The following QTRT2 variants were observed in gnomAD, a reference collection of about 807,000 sequenced individuals.
QTRT2 encodes queuine tRNA-ribosyltransferase accessory subunit 2.
In QTRT2, 32 loss-of-function variants were observed where a neutral mutation model predicts 44.8. That is an observed-to-expected ratio of 0.71 (90% CI 0.54 to 0.96). The LOEUF (loss-of-function observed/expected upper bound fraction) is 0.96, where lower values mean the gene tolerates loss of function less well. Ranked by LOEUF, QTRT2 falls within the 40% of genes least tolerant of loss-of-function variation. The pLI is 0.00. For synonymous variants in QTRT2, 182 were observed against 187.4 expected (o/e 0.97, Z 0.24); for missense variants, 461 against 503.1 (o/e 0.92, Z 0.80).
At chr3:114,073,758 T>TA (rs2077054024) in intron 6 of QTRT2, among the ~76,000 whole-genome samples, 1 of 104,616 alleles carries the variant, frequency 9.6e-6, no homozygotes, top group African/African-American at 4.1e-5. Flanking sequence ...TTATTAATAG[T>TA]GCCCCCCCAT....
chr3:114,083,739 G>A (rs542285635), intron 9 of QTRT2, among the ~76,000 whole-genome samples: 4 of 152,070 alleles, frequency 2.6e-5, no homozygotes, highest in African/African-American at 9.6e-5. Flanking sequence ...TATTCTGTTG[G>A]GACTCCTTTA....
At chr3:114,080,364 C>T (rs547242407) in intron 8 of QTRT2, among the ~76,000 whole-genome samples, 2 of 152,234 alleles carry the variant, frequency 1.3e-5, no homozygotes, top group Non-Finnish European at 2.9e-5. Flanking sequence ...ATAAGAAAAC[C>T]TTTGAACTGC....
chr3:114,070,924 C>G (rs1439008363), intron 6 of QTRT2, 86 bp downstream of exon 6: 2 of 1,011,610 alleles, frequency 2.0e-6, no homozygotes, highest in Non-Finnish European at 1.5e-6. Context: ...GTTCTTCCTC[C>G]TACTGCTGTG....
Position 114,085,742 on chromosome 3 carries a change from A to G in QTRT2, c.1086A>G (p.Ala362=), listed in dbSNP as rs781744301. ...ACTGCTGTAAGAATCACACTCGGGC[A>G]TACATCCACCATCTGCTGGTGACCA... The part of the protein sequence containing the change: ...SCYCCKNHTR[A]YIHHLLVTNE... The change falls in exon 10 of 10, where the codon GCA becomes GCG. Residue 362 remains alanine (A), a synonymous_variant. Transcript: ENST00000281273. 5 of 1,614,086 alleles carry G rather than the reference A, an allele frequency of 3.1e-6. No individual in the cohort carries two copies. The highest frequency in any genetic ancestry group is 1.7e-5 in the Admixed American group (1 of 59,992).
chr3:114,073,062 A>G (rs1179575912), intron 6 of QTRT2, among the ~76,000 whole-genome samples: 1 of 152,254 alleles, frequency 6.6e-6, no homozygotes, highest in Non-Finnish European at 1.5e-5. Context: ...TTGGCTAATA[A>G]AGTTAATATA....
At chr3:114,071,433 A>G (rs2077022842) in intron 6 of QTRT2, among the ~76,000 whole-genome samples, 1 of 151,986 alleles carries the variant, frequency 6.6e-6, no homozygotes, top group South Asian at 2.1e-4. Flanking sequence ...CGTATAGCTG[A>G]TATTACAGGC....
chr3:114,075,913 G>A (rs2077084705), intron 6 of QTRT2, among the ~76,000 whole-genome samples: 2 of 152,098 alleles, frequency 1.3e-5, no homozygotes, highest in African/African-American at 4.8e-5. Flanking sequence ...TCTAAAACTT[G>A]TATAACCATA....
rs530251428 is a variant in QTRT2 at position 114,085,831 on chromosome 3, A to G, written c.1175A>G (p.His392Arg). The G allele has an allele frequency of 4.3e-6, 7 of 1,614,014 alleles. No homozygotes were observed. The highest frequency in any genetic ancestry group is 5.9e-6 in the Non-Finnish European group (7 of 1,180,038). Residue 392 changes from histidine to arginine, a missense_variant, in exon 10 of 10, where the codon CAT becomes CGT. His to Arg is a conservative substitution (Grantham distance 29). Coordinates refer to ENST00000281273, the MANE Select transcript of QTRT2 (RefSeq NM_024638.4). The stretch of plus-strand genomic sequence containing the variant: ...TTTGAACACTACTTTGGGTTTTTCC[A>G]TTACATCCGGGAAGCACTAAAAAGT... ...HNFEHYFGFF[H>R]YIREALKSDK...
At chr3:114,077,472 G>T (rs1345361531) in intron 7 of QTRT2, 1 of 154,088 alleles carries the variant, frequency 6.5e-6, no homozygotes, top group African/African-American at 2.4e-5. Context: ...TCCATAAATT[G>T]CAGGATTCAC....
At chr3:114,065,563 G>A (rs757506562) in intron 3 of QTRT2, 106 bp downstream of exon 3, 51 of 833,374 alleles carry the variant, frequency 6.1e-5, no homozygotes, top group Non-Finnish European at 8.8e-5. Context: ...ATAAATTGTC[G>A]ATTTTCATAA....
intron 8 of QTRT2, among the ~76,000 whole-genome samples, chr3:114,082,332 C>T (rs1469561434): frequency 1.3e-5 from 2 of 152,110 alleles, no homozygotes; most frequent in Non-Finnish European, 1.5e-5. Context: ...ATTCTCCTGC[C>T]TTAGCTTCCC....
chr3:114,079,047 A>G (rs1164203645), intron 7 of QTRT2: 1 of 152,132 alleles, frequency 6.6e-6, no homozygotes, highest in African/African-American at 2.4e-5. Context: ...ATGAAAAATT[A>G]TAGGCAAAAT....
At chr3:114,059,153 C>T (rs187930130) in intron 2 of QTRT2, among the ~76,000 whole-genome samples, 4 of 152,272 alleles carry the variant, frequency 2.6e-5, no homozygotes, top group East Asian at 1.9e-4. Flanking sequence ...AGGACAGGTA[C>T]GGTGTTGCCA....
chr3:114,087,680 T>C lies in QTRT2; in HGVS notation c.*1776T>C, dbSNP rs2077254980. The C allele has an allele frequency of 6.6e-6, 1 of 152,354 alleles. No homozygotes were observed. Among genetic ancestry groups the C allele is most frequent in the Non-Finnish European group, 1.5e-5 (1 of 68,230 alleles). 9.4% of individuals were successfully genotyped at this position (152,354 alleles called of 1,614,324 possible). On this transcript the variant is annotated 3_prime_UTR_variant, in exon 10 of 10. Coordinates refer to ENST00000281273, the MANE Select transcript of QTRT2 (RefSeq NM_024638.4). Reference sequence around the variant, plus strand: ...AATTGGCTCATGGCTCTGCAGGCTTTACAGGAAGCATGGTACTGGCATCTG... The same window carrying C: ...AATTGGCTCATGGCTCTGCAGGCTTCACAGGAAGCATGGTACTGGCATCTG...
chr3:114,070,703 G>C lies in QTRT2; in HGVS notation c.411G>C (p.Gln137His). The change falls in exon 6 of 10, where the codon CAG becomes CAC. Residue 137 changes from glutamine to histidine, a missense_variant. Transcript: ENST00000281273. Reference sequence around the variant, plus strand: ...TCATGGCAATTCAGAAGGCCCTTCAGCCAGACTGGTTCCAGTGCCTCTCCG... The same window carrying C: ...TCATGGCAATTCAGAAGGCCCTTCACCCAGACTGGTTCCAGTGCCTCTCCG... ...SKFMAIQKAL[Q>H]PDWFQCLSDG... The C allele has an allele frequency of 6.2e-7, 1 of 1,614,172 alleles. No homozygotes were observed. Among genetic ancestry groups the C allele is most frequent in the Non-Finnish European group, 8.5e-7 (1 of 1,179,992 alleles).
At chr3:114,059,577 A>C (rs2076855255) in intron 2 of QTRT2, among the ~76,000 whole-genome samples, 1 of 152,102 alleles carries the variant, frequency 6.6e-6, no homozygotes, top group African/African-American at 2.4e-5. Context: ...GAAGAAAGGA[A>C]GACTTGGTTC....
intron 7 of QTRT2, chr3:114,078,734 GA>G (rs2077125752): frequency 6.6e-6 from 1 of 152,142 alleles, no homozygotes; most frequent in African/African-American, 2.4e-5. Flanking sequence ...TCCCTAATTT[GA>G]AAGTCCAAAA....
At position 114,061,204 on chromosome 3, in the gene QTRT2, G is replaced by A. The variant is rs138467933; in HGVS notation, c.-21-4033G>A. Among the ~76,000 whole-genome samples, 909 of 152,224 alleles carry A rather than the reference G, an allele frequency of 6.0e-3. 12 individuals are homozygous for A. The highest frequency in any genetic ancestry group is 0.019 in the East Asian group (99 of 5,180). ...CCCATTCTGATTCTATGCTTGCATG[G>A]CATATTTGGCTTCATGTATTGCATT... On this transcript the variant is annotated intron_variant, in intron 2 of 9. Transcript: ENST00000281273.
At position 114,086,001 on chromosome 3, in the gene QTRT2, T is replaced by C; in HGVS notation, c.*97T>C. ...AAGAAATAATCTGAGCTTTAATTAT[T>C]TATATTTGGATATAAGGTCTGCTTA... On this transcript the variant is annotated 3_prime_UTR_variant, in exon 10 of 10. Transcript: ENST00000281273. 1 of 990,102 alleles carries C rather than the reference T, an allele frequency of 1.0e-6. No individual in the cohort carries two copies. Among genetic ancestry groups the C allele is most frequent in the Non-Finnish European group, 1.6e-6 (1 of 640,808 alleles). The allele number at this position is 990,102 out of a possible 1,614,324, so 61.3% of individuals were successfully genotyped here.
Sources: gnomAD v4.1 joint callset for allele counts (sites outside exome capture counted in the v4.1 genomes callset) on GRCh38, gnomAD v4.1.1 for gene constraint, MANE v1.5 for transcripts, NCBI Gene and HGNC (gene_info 2026-07-23, HGNC 2026-07-21) for gene names.